DLGAP2: variants seen among roughly 807,000 people sequenced by gnomAD.
DLGAP2 encodes the protein disks large-associated protein 2.
A neutral mutation model predicts 100.3 loss-of-function variants in DLGAP2; 26 were observed. That is an observed-to-expected ratio of 0.26 (90% CI 0.19 to 0.36). DLGAP2 has a LOEUF of 0.36. Among genes scored for constraint, DLGAP2 ranks in the 10% least tolerant of loss-of-function variants. The pLI, the probability that DLGAP2 is intolerant of heterozygous loss-of-function variation, is 1.00. For synonymous variants in DLGAP2, 886 were observed against 630.1 expected (o/e 1.41, Z -6.08); for missense variants, 1,858 against 1,453.2 (o/e 1.28, Z -4.53).
intron 14 of DLGAP2, among the ~76,000 whole-genome samples, chr8:1,699,803 T>C (rs986926957): frequency 6.6e-6 from 1 of 152,044 alleles, no homozygotes; most frequent in Non-Finnish European, 1.5e-5. Flanking sequence ...ACTCCTACAG[T>C]GCCACACCCA....
intron 2 of DLGAP2, among the ~76,000 whole-genome samples, chr8:1,177,133 T>C (rs12216819): frequency 0.23 from 34,408 of 152,088 alleles, 4,071 homozygotes; most frequent in Middle Eastern, 0.37. Context: ...GTCCCAGCCT[T>C]CGAGTGGACG....
intron 1 of DLGAP2, among the ~76,000 whole-genome samples, chr8:810,303 T>G (rs767493390): frequency 1.3e-5 from 2 of 152,250 alleles, no homozygotes; most frequent in African/African-American, 2.4e-5. Flanking sequence ...CATTTTGTAC[T>G]GAAATGCTGC....
At chr8:1,188,810 C>T (rs1468550940) in intron 2 of DLGAP2, among the ~76,000 whole-genome samples, 1 of 149,318 alleles carries the variant, frequency 6.7e-6, no homozygotes, top group African/African-American at 2.6e-5. Context: ...CCACCTGCTG[C>T]GTCCTCAGGA....
At chr8:1,266,643 C>T (rs1157032707) in intron 3 of DLGAP2, among the ~76,000 whole-genome samples, 1 of 152,194 alleles carries the variant, frequency 6.6e-6, no homozygotes, top group Non-Finnish European at 1.5e-5. Context: ...TTCTCAGTCA[C>T]CACGCACTGA....
intron 3 of DLGAP2, among the ~76,000 whole-genome samples, chr8:1,415,216 G>T (rs1275994386): frequency 6.6e-6 from 1 of 152,110 alleles, no homozygotes. Context: ...CTTGACTCCA[G>T]GCAGCCCTAA....
intron 1 of DLGAP2, among the ~76,000 whole-genome samples, chr8:879,398 G>T (rs1048585804): frequency 2.6e-5 from 4 of 152,180 alleles, no homozygotes; most frequent in African/African-American, 7.2e-5. Flanking sequence ...TTTGGGTCTG[G>T]TGGTACCCAT....
chr8:849,255 G>A (rs770107844), intron 1 of DLGAP2, among the ~76,000 whole-genome samples: 46 of 152,210 alleles, frequency 3.0e-4, no homozygotes, highest in Non-Finnish European at 6.2e-4. Context: ...CGTGGTGCAC[G>A]TTGCAGCATA....
At chr8:1,215,176 C>T (rs1798189335) in intron 2 of DLGAP2, among the ~76,000 whole-genome samples, 3 of 152,184 alleles carry the variant, frequency 2.0e-5, no homozygotes, top group African/African-American at 7.2e-5. Context: ...TGGAGTGTCT[C>T]ATTTTTGGAA....
Position 1,381,881 on chromosome 8 carries a change from C to T in DLGAP2, c.107-119485C>T, listed in dbSNP as rs894013135. Among the ~76,000 whole-genome samples the T allele has an allele frequency of 2.0e-5, 3 of 151,440 alleles. No individual in the cohort carries two copies. In the South Asian group the frequency reaches 6.3e-4, roughly 32 times the overall value. ...TTCAGATAGGAATTCCATGTCTACA[C>T]ATTTACATTAAGGAAATATAAAATG... On this transcript the variant is annotated intron_variant, in intron 3 of 14. Coordinates refer to ENST00000637795, the MANE Select transcript of DLGAP2 (RefSeq NM_001346810.2).
chr8:1,141,128 G>T (rs1295487995), intron 2 of DLGAP2, among the ~76,000 whole-genome samples: 3 of 152,170 alleles, frequency 2.0e-5, no homozygotes, highest in Non-Finnish European at 4.4e-5. Flanking sequence ...CGTGCTGCCT[G>T]GAAAAGGCAG....
chr8:1,572,262 C>T (rs1802746586), intron 6 of DLGAP2, among the ~76,000 whole-genome samples: 1 of 87,922 alleles, frequency 1.1e-5, no homozygotes, highest in Non-Finnish European at 2.1e-5. Flanking sequence ...GGGGCATCTG[C>T]TGGAATAGAG....
chr8:940,761 G>T (rs1799178472), intron 2 of DLGAP2, among the ~76,000 whole-genome samples: 3 of 152,166 alleles, frequency 2.0e-5, no homozygotes, highest in South Asian at 4.1e-4. Flanking sequence ...AGCCACTTTT[G>T]TTCTGATCAT....
At chr8:1,463,643 G>A (rs776516220) in intron 3 of DLGAP2, among the ~76,000 whole-genome samples, 13 of 152,212 alleles carry the variant, frequency 8.5e-5, no homozygotes, top group Non-Finnish European at 1.8e-4. Context: ...TCCAGGAGGC[G>A]GTCGGGATAC....
intron 6 of DLGAP2, among the ~76,000 whole-genome samples, chr8:1,602,440 C>G (rs956422658): frequency 1.3e-5 from 2 of 152,204 alleles, no homozygotes; most frequent in Non-Finnish European, 2.9e-5. Flanking sequence ...CAGTGAAAGG[C>G]CTATTCCACA....
chr8:1,198,252 C>G (rs1288216088), intron 2 of DLGAP2, among the ~76,000 whole-genome samples: 2 of 152,180 alleles, frequency 1.3e-5, no homozygotes, highest in African/African-American at 2.4e-5. Flanking sequence ...CTGCACATCC[C>G]TCTAAGGAGG....
intron 5 of DLGAP2, among the ~76,000 whole-genome samples, chr8:1,555,915 G>A (rs1200608421): frequency 6.6e-6 from 1 of 152,234 alleles, no homozygotes; most frequent in African/African-American, 2.4e-5. Flanking sequence ...TCCGTTTGTG[G>A]TGAGATTCAA....
At chr8:797,092 A>G (rs552136375) in intron 1 of DLGAP2, among the ~76,000 whole-genome samples, 1 of 152,318 alleles carries the variant, frequency 6.6e-6, no homozygotes, top group South Asian at 2.1e-4. Context: ...ACTTTTATGC[A>G]ATAAAATGAA....
chr8:1,422,313 G>A (rs1467298406), intron 3 of DLGAP2, among the ~76,000 whole-genome samples: 1 of 152,180 alleles, frequency 6.6e-6, no homozygotes, highest in Non-Finnish European at 1.5e-5. Context: ...TAGGGAAGAA[G>A]TGCATTCCAG....
At chr8:1,673,762 G>C (rs1194572373) in intron 10 of DLGAP2, among the ~76,000 whole-genome samples, 3 of 152,192 alleles carry the variant, frequency 2.0e-5, no homozygotes, top group Non-Finnish European at 4.4e-5. Flanking sequence ...AGTTTCCTAA[G>C]AGTTGCATGG....
Sources: gnomAD v4.1 joint callset for allele counts (sites outside exome capture counted in the v4.1 genomes callset) on GRCh38, gnomAD v4.1.1 for gene constraint, MANE v1.5 for transcripts, NCBI Gene and HGNC (gene_info 2026-07-23, HGNC 2026-07-21) for gene names.